The following POLR1B variants were observed in gnomAD, a reference collection of about 807,000 sequenced individuals.
The protein encoded by POLR1B is DNA-directed RNA polymerase I subunit RPA2.
POLR1B carries 30 observed loss-of-function variants against 105.8 expected under a neutral mutation model. The ratio of observed to expected loss-of-function variants is 0.28; its 90% CI spans 0.21 to 0.38. The LOEUF is 0.38. POLR1B is among the 10% of genes least tolerant of loss of function. The probability of loss-of-function intolerance (pLI) is 1.00; values close to 1 mark genes in which losing one functional copy is unlikely to be tolerated. For missense variants in POLR1B, 976 were observed against 1,435.8 expected (o/e 0.68, Z 5.17); for synonymous variants, 485 against 505.1 (o/e 0.96, Z 0.53).
intron 9 of POLR1B, among the ~76,000 whole-genome samples, chr2:112,560,420 AAGG>A (rs1683917203): frequency 6.6e-6 from 1 of 152,088 alleles, no homozygotes; most frequent in African/African-American, 2.4e-5. Context: ...GACAGTTTAA[AAGG>A]AGGTTTCCCA....
chr2:112,561,933 A>G (rs1261691434), intron 9 of POLR1B, among the ~76,000 whole-genome samples: 1 of 152,046 alleles, frequency 6.6e-6, no homozygotes, highest in East Asian at 1.9e-4. Context: ...TGGCCTCCCA[A>G]AGTGCTGGGA....
chr2:112,568,958 C>A, intron 12 of POLR1B, 56 bp downstream of exon 12: 1 of 1,511,196 alleles, frequency 6.6e-7, no homozygotes, highest in Non-Finnish European at 9.1e-7. Context: ...TTGATACTAG[C>A]ACACTCTTTT....
chr2:112,575,618 T>C lies in POLR1B; in HGVS notation c.3297T>C (p.Thr1099=), dbSNP rs1684825977. 1.2e-6 allele frequency: 2 copies of C among 1,614,154 alleles called. No individual in the cohort carries two copies. The highest frequency in any genetic ancestry group is 1.3e-5 in the African/African-American group (1 of 75,046). The change falls in exon 15 of 15, where the codon ACT becomes ACC. Residue 1099 remains threonine, a synonymous_variant. Coordinates refer to ENST00000263331, the MANE Select transcript of POLR1B (RefSeq NM_019014.6). The surrounding 1 kb of genome is among the most constrained non-coding windows in gnomAD (Gnocchi z 5.3). ...TGCGCAACAGAAAATACAACTGTAC[T>C]CTGTGTAGTCGCAGTGACACTATCG... ...SAMRNRKYNC[T]LCSRSDTIDT...
At chr2:112,558,917 CTT>C (rs34385497) in intron 8 of POLR1B, among the ~76,000 whole-genome samples, 35 of 141,550 alleles carry the variant, frequency 2.5e-4, no homozygotes, top group Middle Eastern at 3.8e-3. Flanking sequence ...TGTGCCCCGC[CTT>C]TTTTTTTTTT....
In POLR1B at chr2:112,551,014, T is replaced by A. The variant is rs1252413572; in HGVS notation, c.762+12T>A. The A allele has an allele frequency of 1.2e-6, 2 of 1,610,312 alleles. No individual in the cohort carries two copies. Among genetic ancestry groups the A allele is most frequent in the African/African-American group, 1.3e-5 (1 of 75,016 alleles). ...GATTTGCACTTAAGGTATGACTTAA[T>A]GAATGCATTCTTTTGTTATGAAGAA... On this transcript the variant is annotated intron_variant, in intron 5 of 14. Transcript: ENST00000263331.
At position 112,578,367 on chromosome 2, in the gene POLR1B, A is replaced by G. The variant is rs1684957049; in HGVS notation, c.*2638A>G. 6.6e-6 allele frequency among the ~76,000 whole-genome samples: 1 copy of G among 152,112 alleles called. No individual in the cohort carries two copies. The highest frequency in any genetic ancestry group is 2.4e-5 in the African/African-American group (1 of 41,422). On this transcript the variant is annotated 3_prime_UTR_variant, in exon 15 of 15. Transcript: ENST00000263331. ...CCATTTCTAACCCCTGGAAACCACT[A>G]ATCTGTTCTTCATAATTTTCTTATT... is the stretch of plus-strand genomic sequence containing the variant.
At chr2:112,560,558 T>G (rs894615986) in intron 9 of POLR1B, among the ~76,000 whole-genome samples, 1 of 152,126 alleles carries the variant, frequency 6.6e-6, no homozygotes, top group African/African-American at 2.4e-5. Context: ...GTCAGCCTTC[T>G]CTGCAGTCTT....
chr2:112,559,707 T>C (rs1438645459), intron 9 of POLR1B, 133 bp downstream of exon 9: 17 of 1,031,566 alleles, frequency 1.6e-5, no homozygotes, highest in Admixed American at 2.3e-5. Context: ...CTTGGCTCAC[T>C]GCAAGCTCTG....
rs921152085 is a variant in POLR1B at position 112,576,576 on chromosome 2, A to G, written c.*847A>G. ...GTTTCTATGAGTTTGACTATTACAG[A>G]TATCTCATATAGTGGGATCATGCAA... On this transcript the variant is annotated 3_prime_UTR_variant, in exon 15 of 15. Coordinates refer to ENST00000263331, the MANE Select transcript of POLR1B (RefSeq NM_019014.6). The G allele has an allele frequency of 6.6e-6, 1 of 152,206 alleles. No homozygotes were observed. Among genetic ancestry groups the G allele is most frequent in the African/African-American group, 2.4e-5 (1 of 41,450 alleles). 9.4% of individuals were successfully genotyped at this position (152,206 alleles called of 1,614,324 possible). A position where few individuals can be genotyped will look rare whatever the true frequency, so the allele number is the denominator to read the frequency against.
Position 112,572,633 on chromosome 2 carries a change from ACTC to A in POLR1B, c.2150_2152del (p.Pro717del), listed in dbSNP as rs1419282589. 1 of 1,612,812 alleles carries A rather than the reference ACTC, an allele frequency of 6.2e-7. No homozygotes were observed. Among genetic ancestry groups the A allele is most frequent in the Admixed American group, 1.7e-5 (1 of 59,806 alleles). ...GGATAACAAACTGTATCGTCTTCAG[ACTC>A]CTCAGAGTCCCTTGGTGAGACCCTC... On this transcript the variant is annotated inframe_deletion, in exon 13 of 15. Coordinates refer to ENST00000263331, the MANE Select transcript of POLR1B (RefSeq NM_019014.6).
intron 10 of POLR1B, among the ~76,000 whole-genome samples, chr2:112,565,521 C>T (rs1458564665): frequency 6.6e-6 from 1 of 152,034 alleles, no homozygotes; most frequent in African/African-American, 2.4e-5. Flanking sequence ...ACTCAGATTC[C>T]ACCAGCTGTC....
chr2:112,566,959 C>T (rs1172096092), intron 10 of POLR1B, among the ~76,000 whole-genome samples: 1 of 152,126 alleles, frequency 6.6e-6, no homozygotes, highest in Non-Finnish European at 1.5e-5. Context: ...TCTCGAACTC[C>T]TGACCTCAAA....
chr2:112,575,188 A>G lies in POLR1B; in HGVS notation c.2867A>G (p.Asn956Ser). Residue 956 changes from asparagine to serine, a missense_variant, in exon 15 of 15, where the codon AAC becomes AGC. Asn to Ser is a conservative substitution (Grantham distance 46). Around this residue, in one of 12 missense-constraint regions of POLR1B, gnomAD observed 40 missense variants for 49.6 expected, o/e 0.81. Coordinates refer to ENST00000263331, the MANE Select transcript of POLR1B (RefSeq NM_019014.6). The surrounding 1 kb of genome is among the most constrained non-coding windows in gnomAD (Gnocchi z 5.3). ...DATPFIFSEE[N>S]SALEYFGEML... ...ACACCCTTCATCTTCTCAGAGGAGA[A>G]CTCGGCCTTAGAATACTTTGGTGAG... The G allele has an allele frequency of 1.2e-6, 2 of 1,614,028 alleles. No homozygotes were observed. Among genetic ancestry groups the G allele is most frequent in the Non-Finnish European group, 1.7e-6 (2 of 1,180,000 alleles).
At position 112,558,926 on chromosome 2, in the gene POLR1B, T is replaced by A. The variant is rs964339520; in HGVS notation, c.1331-367T>A. On this transcript the variant is annotated intron_variant, in intron 8 of 14. Coordinates refer to ENST00000263331, the MANE Select transcript of POLR1B (RefSeq NM_019014.6). ...AACCACTGTGCCCCGCCTTTTTTTT[T>A]TTTTTTTAAACCCATGTTACTGTTG... 5.3e-4 allele frequency among the ~76,000 whole-genome samples: 80 copies of A among 151,632 alleles called. 1 individual carries two copies. The highest frequency in any genetic ancestry group is 1.9e-3 in the African/African-American group (77 of 41,368).
At chr2:112,573,379 AGGCG>A (rs1558666428) in intron 13 of POLR1B, among the ~76,000 whole-genome samples, 179 bp from the exon 14 acceptor site, 6 of 152,254 alleles carry the variant, frequency 3.9e-5, no homozygotes, top group Non-Finnish European at 2.9e-5. Context: ...CTGGAATTAC[AGGCG>A]TGAGCCACCG....
intron 10 of POLR1B, among the ~76,000 whole-genome samples, chr2:112,567,753 T>G (rs887668712): frequency 2.0e-5 from 3 of 152,176 alleles, no homozygotes; most frequent in Non-Finnish European, 4.4e-5. Flanking sequence ...GAGGACAGAA[T>G]TTCCTTTAGT....
intron 9 of POLR1B, among the ~76,000 whole-genome samples, chr2:112,562,473 C>T (rs1348974562): frequency 6.6e-6 from 1 of 152,096 alleles, no homozygotes; most frequent in African/African-American, 2.4e-5. Context: ...GGTTTGGTTC[C>T]AGAGCGCTGC....
At chr2:112,546,897 T>C (rs944700403) in intron 1 of POLR1B, 115 bp from the exon 2 acceptor site, 25 of 1,138,210 alleles carry the variant, frequency 2.2e-5, no homozygotes, top group Non-Finnish European at 3.1e-5. Flanking sequence ...TTTTTAGGTG[T>C]GTCATGGTGG....
At chr2:112,564,313 G>C in intron 9 of POLR1B, 53 bp from the exon 10 acceptor site, 1 of 1,595,524 alleles carries the variant, frequency 6.3e-7, no homozygotes, top group Non-Finnish European at 8.6e-7. Flanking sequence ...AGGGAATCTG[G>C]AATGTTGGAT....
Sources: allele counts gnomAD v4.1 joint callset (sites outside exome capture counted in the v4.1 genomes callset), GRCh38; gene constraint gnomAD v4.1.1; regional missense constraint gnomAD v4.1.1; non-coding constraint Gnocchi (gnomAD v3.1); transcripts MANE v1.5; gene names NCBI Gene and HGNC (gene_info 2026-07-23, HGNC 2026-07-21).